Variants in POLR3B observed in about 807,000 individuals in gnomAD.
The protein encoded by POLR3B is RNA polymerase III subunit B.
In POLR3B, 96 loss-of-function variants were observed where a neutral mutation model predicts 147.4. The observed-to-expected ratio is 0.65, with a 90% CI of 0.55 to 0.77. The LOEUF is 0.77. Ranked by LOEUF, POLR3B falls within the 30% of genes least tolerant of loss-of-function variation. POLR3B has a pLI of 0.00. For synonymous variants in POLR3B, 461 were observed against 485.9 expected (o/e 0.95, Z 0.67); for missense variants, 1,036 against 1,413.5 (o/e 0.73, Z 4.28).
chr12:106,383,977 CAA>C (rs796136154), intron 9 of POLR3B, among the ~76,000 whole-genome samples: 1 of 108,240 alleles, frequency 9.2e-6, no homozygotes. Context: ...GACTCCATCT[CAA>C]AAAAAAAAAA....
At chr12:106,358,709 C>G (rs148266194) in intron 1 of POLR3B, among the ~76,000 whole-genome samples, 1 of 152,136 alleles carries the variant, frequency 6.6e-6, no homozygotes, top group African/African-American at 2.4e-5. Flanking sequence ...CTTGAAACCT[C>G]CTCGGCAAGA....
chr12:106,415,707 T>TA (rs202021032), intron 12 of POLR3B, among the ~76,000 whole-genome samples: 1,950 of 152,334 alleles, frequency 0.013, 22 homozygotes, highest in Middle Eastern at 0.031. Context: ...TTAAAAGTGT[T>TA]ATGATTTTTA....
At chr12:106,502,914 G>A (rs2038624781) in intron 26 of POLR3B, among the ~76,000 whole-genome samples, 1 of 152,146 alleles carries the variant, frequency 6.6e-6, no homozygotes, top group Non-Finnish European at 1.5e-5. Flanking sequence ...TTGCTTTGTT[G>A]TGTAGAAAAA....
intron 25 of POLR3B, 21 bp from the exon 26 acceptor site, chr12:106,501,302 A>G: frequency 1.3e-6 from 2 of 1,504,772 alleles, no homozygotes; most frequent in Non-Finnish European, 1.9e-6. Flanking sequence ...CTTAACCCAC[A>G]ACAATTGATC....
At chr12:106,369,456 T>C (rs2036575180) in intron 5 of POLR3B, 106 bp downstream of exon 5, 2 of 961,912 alleles carry the variant, frequency 2.1e-6, no homozygotes, top group African/African-American at 1.6e-5. Context: ...GGGGGGACAT[T>C]CTTTGGAGAA....
intron 12 of POLR3B, among the ~76,000 whole-genome samples, chr12:106,425,332 C>G (rs1217446702): frequency 1.3e-5 from 2 of 152,182 alleles, no homozygotes; most frequent in African/African-American, 4.8e-5. Context: ...TTCTCTCTGG[C>G]ATTGCACCTT....
chr12:106,357,920 A>C lies in POLR3B; in HGVS notation c.41A>C (p.Glu14Ala). 1 of 1,613,444 alleles carries C rather than the reference A, an allele frequency of 6.2e-7. No individual in the cohort carries two copies. The highest frequency in any genetic ancestry group is 8.5e-7 in the Non-Finnish European group (1 of 1,179,976). The part of the protein sequence containing the change: ...LAEEFGNLTP[E>A]QLAAPIPTVE... ...GAGGAGTTTGGGAACCTGACTCCGG[A>C]GCAGCTGGCGGCGCCGATCCCGACT... The change falls in exon 1 of 28, where the codon GAG (glutamate) becomes GCG (alanine). Residue 14 changes from glutamate (E) to alanine (A), a missense_variant. Physicochemically the swap from Glu to Ala is moderately radical, Grantham distance 107. This residue lies in a region of POLR3B where 150 missense variants were observed against 145.5 expected (regional missense o/e 1.03). Coordinates refer to ENST00000228347, the MANE Select transcript of POLR3B (RefSeq NM_018082.6).
chr12:106,495,743 C>T (rs1178619966), intron 23 of POLR3B, among the ~76,000 whole-genome samples: 2 of 152,138 alleles, frequency 1.3e-5, no homozygotes, highest in Admixed American at 6.5e-5. Flanking sequence ...GGCCACAGGC[C>T]TGGGGTCCAG....
chr12:106,471,101 G>A (rs972153834), intron 23 of POLR3B, among the ~76,000 whole-genome samples: 6 of 152,114 alleles, frequency 3.9e-5, no homozygotes, highest in Admixed American at 6.5e-5. Context: ...GGGCTCTGCC[G>A]AGTTCGAGCT....
intron 23 of POLR3B, among the ~76,000 whole-genome samples, chr12:106,474,606 G>A (rs2038138437): frequency 6.7e-6 from 1 of 148,378 alleles, no homozygotes; most frequent in Non-Finnish European, 1.5e-5. Context: ...GAGTGTAGGT[G>A]TCGAGGAATG....
chr12:106,361,254 C>G (rs2036466124), intron 1 of POLR3B, among the ~76,000 whole-genome samples: 1 of 152,136 alleles, frequency 6.6e-6, no homozygotes, highest in Non-Finnish European at 1.5e-5. Context: ...GGCACAGGAG[C>G]AGAGGATAAA....
At chr12:106,404,874 G>A (rs1270428758) in intron 10 of POLR3B, among the ~76,000 whole-genome samples, 1 of 151,998 alleles carries the variant, frequency 6.6e-6, no homozygotes. Flanking sequence ...AGTTTTTATG[G>A]TTAGGTCTAA....
intron 19 of POLR3B, among the ~76,000 whole-genome samples, chr12:106,448,947 C>T (rs899587409): frequency 6.6e-6 from 1 of 152,086 alleles, no homozygotes; most frequent in Non-Finnish European, 1.5e-5. Flanking sequence ...TTGTGGATCA[C>T]GATCAGGCTG....
chr12:106,406,128 T>G, intron 11 of POLR3B, 152 bp downstream of exon 11: 1 of 748,158 alleles, frequency 1.3e-6, no homozygotes, highest in East Asian at 2.7e-5. Context: ...TAACCTTCCA[T>G]TATCAGCAGT....
intron 6 of POLR3B, among the ~76,000 whole-genome samples, chr12:106,372,353 T>TTG (rs2036619165): frequency 6.7e-6 from 1 of 150,082 alleles, no homozygotes; most frequent in Non-Finnish European, 1.5e-5. Flanking sequence ...TTTTTTTTTT[T>TTG]TTTGAGATGG....
intron 23 of POLR3B, 78 bp downstream of exon 23, chr12:106,463,698 C>G: frequency 1.6e-6 from 2 of 1,253,024 alleles, no homozygotes; most frequent in Non-Finnish European, 2.3e-6. Flanking sequence ...AAAATTCCCC[C>G]ATTTAAAAAA....
intron 1 of POLR3B, among the ~76,000 whole-genome samples, chr12:106,361,593 G>A (rs1009463493): frequency 3.3e-5 from 5 of 152,142 alleles, no homozygotes; most frequent in African/African-American, 7.2e-5. Context: ...AGGCACTGTG[G>A]TAACAGGATA....
At chr12:106,418,589 A>AT (rs1199642923) in intron 12 of POLR3B, among the ~76,000 whole-genome samples, 1 of 152,114 alleles carries the variant, frequency 6.6e-6, no homozygotes, top group Non-Finnish European at 1.5e-5. Context: ...TTCTTTATTA[A>AT]TTTTTTTAGC....
chr12:106,393,264 G>GT (rs1565882186), intron 10 of POLR3B, 111 bp downstream of exon 10: 2 of 1,457,424 alleles, frequency 1.4e-6, no homozygotes, highest in Admixed American at 1.7e-5. Context: ...TTTGGGAAAG[G>GT]TATTGGGGAG....
Sources: gnomAD v4.1 joint callset for allele counts (sites outside exome capture counted in the v4.1 genomes callset) on GRCh38, gnomAD v4.1.1 for gene constraint, gnomAD v4.1.1 regional missense constraint, MANE v1.5 for transcripts, NCBI Gene and HGNC (gene_info 2026-07-23, HGNC 2026-07-21) for gene names.